The following OSBP2 variants were observed in gnomAD, a reference collection of about 807,000 sequenced individuals.
OSBP2 encodes the protein oxysterol binding protein 2, also known as oxysterol-binding protein 2.
OSBP2 carries 66 observed loss-of-function variants against 96.0 expected under a neutral mutation model. That is an observed-to-expected ratio of 0.69 (90% CI 0.56 to 0.84). The LOEUF is 0.84. OSBP2 is among the 40% of genes least tolerant of loss of function. The pLI, the probability that OSBP2 is intolerant of heterozygous loss-of-function variation, is 0.00. For synonymous variants in OSBP2, 525 were observed against 520.9 expected, an observed-to-expected ratio of 1.01 and a Z score of -0.11; for missense variants, 1,038 against 1,222.7, an observed-to-expected ratio of 0.85 and a Z score of 2.25.
intron 2 of OSBP2, among the ~76,000 whole-genome samples, chr22:30,794,203 A>G (rs1313276040): frequency 6.6e-6 from 1 of 151,892 alleles, no homozygotes; most frequent in African/African-American, 2.4e-5. Flanking sequence ...CTCTAAAAAA[A>G]ATGTTTTTTA....
intron 2 of OSBP2, among the ~76,000 whole-genome samples, chr22:30,867,448 C>T (rs934913701): frequency 6.6e-6 from 1 of 152,192 alleles, no homozygotes; most frequent in Non-Finnish European, 1.5e-5. Flanking sequence ...AGGTGGGCCC[C>T]GAAGCACTTA....
At chr22:30,748,891 G>A (rs916281365) in intron 2 of OSBP2, among the ~76,000 whole-genome samples, 15 of 152,314 alleles carry the variant, frequency 9.8e-5, no homozygotes, top group South Asian at 4.1e-4. Context: ...CAAGGCAGGT[G>A]GATCACCTTA....
chr22:30,748,838 A>G (rs1037688134), intron 2 of OSBP2, among the ~76,000 whole-genome samples: 5 of 152,350 alleles, frequency 3.3e-5, no homozygotes, highest in Non-Finnish European at 7.3e-5. Flanking sequence ...TATTTAGGCC[A>G]GACATGGTGG....
Position 30,780,529 on chromosome 22 carries a change from A to C in OSBP2, c.853+39160A>C, listed in dbSNP as rs568818269. On this transcript the variant is annotated intron_variant, in intron 2 of 13. Transcript: ENST00000332585. ...TTTGTTTTTCTTGAGATGGAGTCTC[A>C]CTCTGTTGCTGAGGCTGGAGTACAG... 3.9e-5 allele frequency among the ~76,000 whole-genome samples: 6 copies of C among 152,132 alleles called. No individual in the cohort carries two copies. The East Asian group carries it at 7.7e-4, about 20-fold the overall frequency.
chr22:30,887,324 C>G (rs2039833619), intron 3 of OSBP2, 102 bp from the exon 4 acceptor site: 2 of 967,394 alleles, frequency 2.1e-6, no homozygotes, highest in Admixed American at 2.0e-5. Context: ...CCTCATCTTA[C>G]CCAGCTCCTG....
At chr22:30,693,985 G>T, upstream of OSBP2, 4 of 1,053,584 alleles carry the variant, frequency 3.8e-6, no homozygotes, top group Non-Finnish European at 4.0e-6. Flanking sequence ...AAAAAAAAAA[G>T]CGGAAAAAAA....
intron 2 of OSBP2, among the ~76,000 whole-genome samples, chr22:30,773,844 C>G (rs2090390156): frequency 6.6e-6 from 1 of 152,020 alleles, no homozygotes; most frequent in Admixed American, 6.6e-5. Context: ...CAAGGTGACT[C>G]CAGAGAGCTA....
intron 2 of OSBP2, among the ~76,000 whole-genome samples, chr22:30,826,496 T>C (rs895541150): frequency 2.0e-5 from 3 of 152,328 alleles, no homozygotes; most frequent in Non-Finnish European, 2.9e-5. Flanking sequence ...TAGTTCATCC[T>C]GAAGTTTCCC....
chr22:30,822,029 G>C (rs1292792250), intron 2 of OSBP2, among the ~76,000 whole-genome samples: 1 of 152,224 alleles, frequency 6.6e-6, no homozygotes, highest in African/African-American at 2.4e-5. Context: ...CAGCTCCCCG[G>C]GGCCCTGCCT....
intron 2 of OSBP2, among the ~76,000 whole-genome samples, chr22:30,863,899 C>T (rs771378668): frequency 2.6e-5 from 4 of 152,048 alleles, no homozygotes; most frequent in Non-Finnish European, 5.9e-5. Flanking sequence ...CAGGGCCCTG[C>T]CTGGTCTGTG....
intron 2 of OSBP2, among the ~76,000 whole-genome samples, chr22:30,767,138 CAA>C (rs1156950666): frequency 1.1e-3 from 87 of 78,452 alleles, no homozygotes; most frequent in Middle Eastern, 7.9e-3. Context: ...ACTAAAAATA[CAA>C]AAAAAAAAAA....
intron 2 of OSBP2, chr22:30,822,515 C>A (rs540159436): frequency 5.1e-6 from 7 of 1,373,144 alleles, no homozygotes; most frequent in Non-Finnish European, 6.6e-6. Flanking sequence ...CCGGGACCCA[C>A]GAGTGTCCGC....
chr22:30,782,600 T>C (rs1305246244), intron 2 of OSBP2, among the ~76,000 whole-genome samples: 4 of 152,220 alleles, frequency 2.6e-5, no homozygotes, highest in Admixed American at 2.6e-4. Flanking sequence ...GCGTCACTAG[T>C]GTGTTGCTTT....
chr22:30,887,528 G>A lies in OSBP2; in HGVS notation c.1210G>A (p.Glu404Lys). Residue 404 changes from glutamate (E) to lysine (K), a missense_variant, in exon 4 of 14, where the codon GAG becomes AAG. Glu to Lys is a moderately conservative substitution (Grantham distance 56). This residue lies in a region of OSBP2 where 737 missense variants were observed against 913.3 expected (regional missense o/e 0.81). Transcript: ENST00000332585. The stretch of plus-strand genomic sequence containing the variant: ...GCGCGTGCACTTGGAGGAAACCATT[G>A]AGCAGCTGGCGAAGCAGCACAACAG... ...EQRVHLEETI[E>K]QLAKQHNSLE... 3.7e-6 allele frequency: 6 copies of A among 1,613,678 alleles called. No individual in the cohort carries two copies. Among genetic ancestry groups the A allele is most frequent in the Non-Finnish European group, 5.1e-6 (6 of 1,180,040 alleles).
At chr22:30,807,092 C>T (rs1422240329) in intron 2 of OSBP2, among the ~76,000 whole-genome samples, 2 of 152,170 alleles carry the variant, frequency 1.3e-5, no homozygotes, top group Admixed American at 6.5e-5. Flanking sequence ...AATGAGCTTA[C>T]CCGTGAGGTT....
intron 1 of OSBP2, among the ~76,000 whole-genome samples, chr22:30,721,288 A>G (rs2089546443): frequency 6.6e-6 from 1 of 152,092 alleles, no homozygotes; most frequent in Non-Finnish European, 1.5e-5. Flanking sequence ...CAAAAGACAA[A>G]TGGTGCATGG....
rs539412282 is a variant in OSBP2 at position 30,804,788 on chromosome 22, G to A, written c.853+63419G>A. ...TTGGCCAGATGAATGAACGTCTTTA[G>A]AGAATGGTTGTCTGGAAGGATGGCT... On this transcript the variant is annotated intron_variant, in intron 2 of 13. Transcript: ENST00000332585. Among the ~76,000 whole-genome samples the A allele has an allele frequency of 4.6e-5, 7 of 152,298 alleles. No individual in the cohort carries two copies. In the South Asian group the frequency reaches 1.2e-3, roughly 27 times the overall value.
chr22:30,790,449 GCTC>G (rs2090658059), intron 2 of OSBP2, among the ~76,000 whole-genome samples: 1 of 152,170 alleles, frequency 6.6e-6, no homozygotes, highest in African/African-American at 2.4e-5. Context: ...AAAGCCAGAG[GCTC>G]CTCATTAGTC....
intron 2 of OSBP2, among the ~76,000 whole-genome samples, chr22:30,867,511 T>TC (rs1383358618): frequency 6.6e-6 from 1 of 152,190 alleles, no homozygotes; most frequent in African/African-American, 2.4e-5. Context: ...CTACCCTCCC[T>TC]CATTCTCCTG....
Sources: allele counts gnomAD v4.1 joint callset (sites outside exome capture counted in the v4.1 genomes callset), GRCh38; gene constraint gnomAD v4.1.1; regional missense constraint gnomAD v4.1.1; transcripts MANE v1.5; gene names NCBI Gene and HGNC (gene_info 2026-07-23, HGNC 2026-07-21).